Variants in DISC1 observed in about 807,000 individuals in gnomAD.
The protein encoded by DISC1 is disrupted in schizophrenia 1 protein.
DISC1 carries 57 observed loss-of-function variants against 84.5 expected under a neutral mutation model. The ratio of observed to expected loss-of-function variants is 0.67; its 90% CI spans 0.55 to 0.84. The LOEUF (loss-of-function observed/expected upper bound fraction) is 0.84, where lower values mean the gene tolerates loss of function less well. DISC1 is among the 40% of genes least tolerant of loss of function. The pLI is 0.00. For synonymous variants in DISC1, 411 were observed against 415.2 expected (o/e 0.99, Z 0.12); for missense variants, 1,000 against 1,057.8 (o/e 0.95, Z 0.76).
At chr1:231,938,415 G>A (rs2091109433) in intron 9 of DISC1, among the ~76,000 whole-genome samples, 1 of 152,164 alleles carries the variant, frequency 6.6e-6, no homozygotes, top group Non-Finnish European at 1.5e-5. Context: ...GGGGGCCCAT[G>A]AGGCAGGGCA....
intron 11 of DISC1, among the ~76,000 whole-genome samples, chr1:232,024,114 C>G (rs1481599274): frequency 6.6e-6 from 1 of 151,622 alleles, no homozygotes; most frequent in Non-Finnish European, 1.5e-5. Flanking sequence ...TGTCTTCTCA[C>G]CACTGTTATG....
At chr1:232,030,257 G>C (rs1669878050) in intron 12 of DISC1, among the ~76,000 whole-genome samples, 1 of 152,194 alleles carries the variant, frequency 6.6e-6, no homozygotes, top group South Asian at 2.1e-4. Context: ...AAAACATTTT[G>C]ACTGTGTGCA....
At chr1:231,891,710 G>A (rs2087234867) in intron 9 of DISC1, among the ~76,000 whole-genome samples, 1 of 152,138 alleles carries the variant, frequency 6.6e-6, no homozygotes, top group Non-Finnish European at 1.5e-5. Flanking sequence ...GTCACCTGCT[G>A]TTCCATTGGC....
intron 1 of DISC1, among the ~76,000 whole-genome samples, chr1:231,680,545 G>GA (rs1292665342): frequency 2.0e-5 from 3 of 151,770 alleles, no homozygotes; most frequent in Non-Finnish European, 4.4e-5. Context: ...CTAACATGTG[G>GA]AAAAAAAATA....
chr1:231,810,943 G>A (rs963412753), intron 8 of DISC1, among the ~76,000 whole-genome samples: 2 of 152,136 alleles, frequency 1.3e-5, no homozygotes, highest in Admixed American at 1.3e-4. Context: ...TGTGGGTAAG[G>A]GTATTGTTTT....
chr1:231,735,719 G>C (rs1459064456), intron 3 of DISC1, among the ~76,000 whole-genome samples: 1 of 152,176 alleles, frequency 6.6e-6, no homozygotes, highest in Non-Finnish European at 1.5e-5. Flanking sequence ...TTGATATGTA[G>C]CAATGTGCTT....
At chr1:231,834,774 C>G (rs918330160) in intron 9 of DISC1, among the ~76,000 whole-genome samples, 1 of 152,002 alleles carries the variant, frequency 6.6e-6, no homozygotes, top group African/African-American at 2.4e-5. Context: ...GTTCTTGCCC[C>G]CTAGAAAAGC....
At chr1:231,683,902 T>C (rs1301462828) in intron 1 of DISC1, among the ~76,000 whole-genome samples, 1 of 152,140 alleles carries the variant, frequency 6.6e-6, no homozygotes, top group Non-Finnish European at 1.5e-5. Flanking sequence ...TCTGAACTTC[T>C]TCAAGCTGGC....
At chr1:231,628,411 T>C (rs1289365025) in intron 1 of DISC1, among the ~76,000 whole-genome samples, 1 of 152,248 alleles carries the variant, frequency 6.6e-6, no homozygotes, top group Non-Finnish European at 1.5e-5. Flanking sequence ...TGAGTCACTA[T>C]GCACATATAA....
intron 11 of DISC1, among the ~76,000 whole-genome samples, chr1:232,014,252 C>T (rs1282634327): frequency 2.0e-5 from 3 of 152,030 alleles, no homozygotes; most frequent in African/African-American, 2.4e-5. Context: ...ACTTACTGGC[C>T]CTGGGACAGC....
chr1:231,726,694 A>G (rs1036491427), intron 3 of DISC1, among the ~76,000 whole-genome samples: 1 of 152,146 alleles, frequency 6.6e-6, no homozygotes, highest in African/African-American at 2.4e-5. Flanking sequence ...ATCACCCCAG[A>G]ATGTGTTTGG....
intron 9 of DISC1, among the ~76,000 whole-genome samples, chr1:231,924,892 G>A (rs191580440): frequency 6.6e-6 from 1 of 151,454 alleles, no homozygotes; most frequent in Non-Finnish European, 1.5e-5. Flanking sequence ...TCCTGACCTC[G>A]TGATCTGCCT....
chr1:231,738,127 G>A (rs1327441148), intron 3 of DISC1, among the ~76,000 whole-genome samples: 4 of 152,188 alleles, frequency 2.6e-5, no homozygotes, highest in East Asian at 1.9e-4. Context: ...GGGATTACAG[G>A]TGTGAATCAT....
At chr1:231,981,731 A>G (rs1273000464) in intron 10 of DISC1, among the ~76,000 whole-genome samples, 1 of 152,146 alleles carries the variant, frequency 6.6e-6, no homozygotes, top group Non-Finnish European at 1.5e-5. Context: ...GAATAGTAGG[A>G]GGGACAGAGA....
chr1:231,788,853 G>A (rs1364409972), intron 6 of DISC1, among the ~76,000 whole-genome samples: 5 of 152,108 alleles, frequency 3.3e-5, no homozygotes, highest in Non-Finnish European at 7.4e-5. Flanking sequence ...TGTGGTTTGA[G>A]TGTGCCTCTA....
chr1:231,931,225 G>A (rs943931435), intron 9 of DISC1, among the ~76,000 whole-genome samples: 4 of 152,096 alleles, frequency 2.6e-5, no homozygotes, highest in East Asian at 1.9e-4. Flanking sequence ...TCGTTAATAC[G>A]AAAGAAGCTA....
At chr1:232,033,025 G>A (rs1461386208) in intron 12 of DISC1, among the ~76,000 whole-genome samples, 1 of 151,964 alleles carries the variant, frequency 6.6e-6, no homozygotes, top group African/African-American at 2.4e-5. Flanking sequence ...TTAATTTATG[G>A]TTCAATATGA....
chr1:232,033,160 T>A lies in DISC1; in HGVS notation c.2426-3532T>A, dbSNP rs531715076. On this transcript the variant is annotated intron_variant, in intron 12 of 12. Coordinates refer to ENST00000439617, the MANE Select transcript of DISC1 (RefSeq NM_018662.3). ...AAAAACACCAAACGCTCATTCCTAG[T>A]CCTCTTCTTCTCAATAAAATACAGA... Among the ~76,000 whole-genome samples the A allele has an allele frequency of 3.3e-4, 51 of 152,266 alleles. 1 individual carries two copies. The highest frequency in any genetic ancestry group is 6.2e-4 in the South Asian group (3 of 4,830).
intron 1 of DISC1, among the ~76,000 whole-genome samples, chr1:231,663,027 C>T (rs891854689): frequency 2.0e-5 from 3 of 152,064 alleles, no homozygotes; most frequent in Admixed American, 6.5e-5. Context: ...GAAAAACGTC[C>T]AGTCAAAAGC....
Sources: allele counts gnomAD v4.1 joint callset (sites outside exome capture counted in the v4.1 genomes callset), GRCh38; gene constraint gnomAD v4.1.1; transcripts MANE v1.5; gene names NCBI Gene and HGNC (gene_info 2026-07-23, HGNC 2026-07-21).